Variants in CHTF8 observed in about 807,000 individuals in gnomAD.
The protein encoded by CHTF8 is chromosome transmission fidelity factor 8, also known as chromosome transmission fidelity protein 8 homolog.
A neutral mutation model predicts 11.0 loss-of-function variants in CHTF8; 6 were observed. That is an observed-to-expected ratio of 0.55 (90% CI 0.30 to 1.08). CHTF8 has a LOEUF of 1.08. Among genes scored for constraint, CHTF8 ranks in the 50% least tolerant of loss-of-function variants. The pLI is 0.07. For missense variants in CHTF8, 140 were observed against 153.1 expected (o/e 0.91, Z 0.45); for synonymous variants, 53 against 60.5 (o/e 0.88, Z 0.57).
chr16:69,128,331 G>A (rs1962238342), intron 1 of CHTF8, among the ~76,000 whole-genome samples: 4 of 152,176 alleles, frequency 2.6e-5, no homozygotes, highest in Admixed American at 2.6e-4. Context: ...AGACTTCTGT[G>A]ATGTAGCTTT....
At chr16:69,129,089 C>CAA (rs768378198) in intron 1 of CHTF8, among the ~76,000 whole-genome samples, 1 of 144,562 alleles carries the variant, frequency 6.9e-6, no homozygotes, top group Admixed American at 6.9e-5. Context: ...TGAAACAAAA[C>CAA]AAAAAAAAAA....
chr16:69,120,684 C>T lies in CHTF8; in HGVS notation c.142-35G>A, dbSNP rs754504569. 2.0e-5 allele frequency: 32 copies of T among 1,571,472 alleles called. No homozygotes were observed. The highest frequency in any genetic ancestry group is 9.0e-5 in the East Asian group (4 of 44,406). On this transcript the variant is annotated intron_variant, in intron 3 of 3. Coordinates refer to ENST00000448552, the MANE Select transcript of CHTF8 (RefSeq NM_001039690.5). The surrounding 1 kb of genome is among the most constrained non-coding windows in gnomAD (Gnocchi z 4.0). ...AACAAGAACGAGATTCCTGAGGTTC[C>T]GGGGCAAGGCCATAACACTCAGGCG...
intron 1 of CHTF8, among the ~76,000 whole-genome samples, chr16:69,122,704 G>C (rs1961769716): frequency 6.6e-6 from 1 of 151,982 alleles, no homozygotes; most frequent in Non-Finnish European, 1.5e-5. Context: ...ACCATGCCTG[G>C]CTAATTTTTG....
rs1454496845 is a variant in CHTF8, at chr16:69,119,110, G to C, written c.*1315C>G. On this transcript the variant is annotated 3_prime_UTR_variant, in exon 4 of 4. Coordinates refer to ENST00000448552, the MANE Select transcript of CHTF8 (RefSeq NM_001039690.5). ...ATGCCCGGCAGCTGGCCTGGGGAAA[G>C]TAACTTGACCAGGGCCTAATGGGCC... The C allele has an allele frequency of 1.4e-6, 1 of 703,078 alleles. No homozygotes were observed. Among genetic ancestry groups the C allele is most frequent in the Non-Finnish European group, 2.6e-6 (1 of 385,022 alleles). 43.6% of individuals were successfully genotyped at this position (703,078 alleles called of 1,614,324 possible). A position where few individuals can be genotyped will look rare whatever the true frequency, so the allele number is the denominator to read the frequency against.
In CHTF8 at chr16:69,120,685, G is replaced by C. The variant is rs199912103; in HGVS notation, c.142-36C>G. ...ACAAGAACGAGATTCCTGAGGTTCC[G>C]GGGCAAGGCCATAACACTCAGGCGC... On this transcript the variant is annotated intron_variant, in intron 3 of 3. Transcript: ENST00000448552. This position sits in a 1 kb window ranked among gnomAD's most constrained non-coding sequence, Gnocchi z 4.0. The C allele has an allele frequency of 6.2e-4, 981 of 1,570,800 alleles. 14 individuals are homozygous for C. The highest frequency in any genetic ancestry group is 1.3e-4 in the Non-Finnish European group (147 of 1,147,050).
intron 1 of CHTF8, among the ~76,000 whole-genome samples, chr16:69,121,835 T>C (rs1276453822): frequency 6.6e-6 from 1 of 151,678 alleles, no homozygotes; most frequent in Admixed American, 6.6e-5. Flanking sequence ...GGCCGGCTAA[T>C]TTTTTTTGTA....
At position 69,120,556 on chromosome 16, in the gene CHTF8, C is replaced by T; in HGVS notation, c.235G>A (p.Gly79Arg). 1 of 1,614,170 alleles carries T rather than the reference C, an allele frequency of 6.2e-7. No individual in the cohort carries two copies. ...PFAVLVKHTP[G>R]DQDCDELGRE... ...CCAAGCTCATCACAGTCCTGATCCCCAGGAGTGTGTTTGACAAGGACTGCA... is the reference window on the plus strand; with the variant it reads ...CCAAGCTCATCACAGTCCTGATCCCTAGGAGTGTGTTTGACAAGGACTGCA... The change falls in exon 4 of 4, where the codon GGG (glycine) becomes AGG (arginine). Residue 79 changes from glycine (G) to arginine (R), a missense_variant. Physicochemically the swap from Gly to Arg is moderately radical, Grantham distance 125 (BLOSUM62 -2). Coordinates refer to ENST00000448552, the MANE Select transcript of CHTF8 (RefSeq NM_001039690.5). This position sits in a 1 kb window ranked among gnomAD's most constrained non-coding sequence, Gnocchi z 4.0.
rs1328277943 is a variant in CHTF8, at chr16:69,118,495, T to C, written c.*1930A>G. 1 of 1,277,636 alleles carries C rather than the reference T, an allele frequency of 7.8e-7. No individual in the cohort carries two copies. Among genetic ancestry groups the C allele is most frequent in the Non-Finnish European group, 1.1e-6 (1 of 872,152 alleles). The allele number at this position is 1,277,636 out of a possible 1,614,324, so 79.1% of individuals were successfully genotyped here. Reference sequence around the variant, plus strand: ...CTCCAATGGTGAGCAGGGGACTACATGTGAACTGGGACCTGCAGGCCAATG... The same window carrying C: ...CTCCAATGGTGAGCAGGGGACTACACGTGAACTGGGACCTGCAGGCCAATG... On this transcript the variant is annotated 3_prime_UTR_variant, in exon 4 of 4. Coordinates refer to ENST00000448552, the MANE Select transcript of CHTF8 (RefSeq NM_001039690.5).
Position 69,119,683 on chromosome 16 carries a change from A to C in CHTF8, c.*742T>G, listed in dbSNP as rs1169218474. The C allele has an allele frequency of 1.5e-6, 1 of 675,726 alleles. No homozygotes were observed. Among genetic ancestry groups the C allele is most frequent in the Admixed American group, 2.2e-5 (1 of 46,034 alleles). 41.9% of individuals were successfully genotyped at this position (675,726 alleles called of 1,614,324 possible). On this transcript the variant is annotated 3_prime_UTR_variant, in exon 4 of 4. Transcript: ENST00000448552. ...CAAGAGGCCACCTGCTCTGGCATCT[A>C]GATTAGGGCCTGGGCCCAGGCCACT...
intron 1 of CHTF8, among the ~76,000 whole-genome samples, chr16:69,127,175 C>G (rs1012201639): frequency 1.3e-5 from 2 of 151,232 alleles, no homozygotes; most frequent in African/African-American, 4.9e-5. Flanking sequence ...GAGGCGGAGG[C>G]TGCAGTGAGC....
chr16:69,119,282 C>G lies in CHTF8; in HGVS notation c.*1143G>C, dbSNP rs761793241. ...AGGCCAGCGGACCTTTGGAAGGTAGCTGGGTTTGATGCCAATGTGCCAGAA... is the reference window on the plus strand; with the variant it reads ...AGGCCAGCGGACCTTTGGAAGGTAGGTGGGTTTGATGCCAATGTGCCAGAA... On this transcript the variant is annotated 3_prime_UTR_variant, in exon 4 of 4. Transcript: ENST00000448552. 2 of 703,078 alleles carry G rather than the reference C, an allele frequency of 2.8e-6. No individual in the cohort carries two copies. The highest frequency in any genetic ancestry group is 3.0e-5 in the South Asian group (2 of 67,592). 43.6% of individuals were successfully genotyped at this position (703,078 alleles called of 1,614,324 possible). A position where few individuals can be genotyped will look rare whatever the true frequency, so the allele number is the denominator to read the frequency against.
rs879233996 is a variant in CHTF8, at chr16:69,120,471, T to G, written c.320A>C (p.Lys107Thr). 18 of 1,613,990 alleles carry G rather than the reference T, an allele frequency of 1.1e-5. 1 individual carries two copies. Among genetic ancestry groups the G allele is most frequent in the East Asian group, 8.9e-5 (4 of 44,878 alleles). Residue 107 changes from lysine to threonine, a missense_variant, in exon 4 of 4, where the codon AAA becomes ACA. Transcript: ENST00000448552. The surrounding 1 kb of genome is among the most constrained non-coding windows in gnomAD (Gnocchi z 4.0). ...GGTGATAATGGGCTTGGGGCGGGTT[T>G]TGAAAAGGATCTTGTCTTTGATGAG... ...TALIKDKILFKTRPKPIITSV... is the reference protein window; with the variant it reads ...TALIKDKILFTTRPKPIITSV...
At chr16:69,131,491 C>G in intron 1 of CHTF8, 1 of 148,142 alleles carries the variant, frequency 6.8e-6, no homozygotes, top group Non-Finnish European at 1.5e-5. Context: ...CCCACCCACC[C>G]CCATCTTCTC....
intron 1 of CHTF8, among the ~76,000 whole-genome samples, chr16:69,130,638 G>T (rs186131348): frequency 6.6e-6 from 1 of 152,186 alleles, no homozygotes; most frequent in Admixed American, 6.5e-5. Context: ...AAAGGCTGTT[G>T]CAAGAACGAG....
chr16:69,124,553 A>T (rs1961922076), intron 1 of CHTF8, among the ~76,000 whole-genome samples: 1 of 151,846 alleles, frequency 6.6e-6, no homozygotes, highest in East Asian at 1.9e-4. Flanking sequence ...CCTCCTGAGT[A>T]GCTGGGATTA....
intron 1 of CHTF8, among the ~76,000 whole-genome samples, chr16:69,123,942 A>AAC (rs1555534035): frequency 1.2e-3 from 178 of 146,780 alleles, no homozygotes; most frequent in East Asian, 5.3e-3. Flanking sequence ...AAAAAAAAAA[A>AAC]AAAAACAAAA....
intron 1 of CHTF8, among the ~76,000 whole-genome samples, chr16:69,131,090 A>G (rs1346601324): frequency 2.0e-5 from 3 of 152,188 alleles, no homozygotes; most frequent in Non-Finnish European, 2.9e-5. Flanking sequence ...TTGTCTCTTG[A>G]AAGGCTTATG....
At chr16:69,130,766 A>C (rs1175221878) in intron 1 of CHTF8, among the ~76,000 whole-genome samples, 2 of 152,244 alleles carry the variant, frequency 1.3e-5, no homozygotes, top group Admixed American at 6.5e-5. Flanking sequence ...GAATGTCTTA[A>C]TACTACACTG....
Position 69,119,541 on chromosome 16 carries a change from A to C in CHTF8, c.*884T>G, listed in dbSNP as rs1961456988. The C allele has an allele frequency of 1.4e-6, 1 of 702,768 alleles. No homozygotes were observed. Among genetic ancestry groups the C allele is most frequent in the African/African-American group, 1.7e-5 (1 of 57,246 alleles). The allele number at this position is 702,768 out of a possible 1,614,324, so 43.5% of individuals were successfully genotyped here. ...AGGATGGGCTTGTGCCCATGTTTCC[A>C]GAAGCCTGTGAGAAAGAAGCTGAAT... is the stretch of plus-strand genomic sequence containing the variant. On this transcript the variant is annotated 3_prime_UTR_variant, in exon 4 of 4. Coordinates refer to ENST00000448552, the MANE Select transcript of CHTF8 (RefSeq NM_001039690.5).
Sources: gnomAD v4.1 joint callset for allele counts (sites outside exome capture counted in the v4.1 genomes callset) on GRCh38, gnomAD v4.1.1 for gene constraint, Gnocchi (gnomAD v3.1) non-coding constraint, MANE v1.5 for transcripts, NCBI Gene and HGNC (gene_info 2026-07-23, HGNC 2026-07-21) for gene names.